The following TULP4 variants were observed in gnomAD, a reference collection of about 807,000 sequenced individuals.
TULP4 encodes the protein TUB like protein 4.
A neutral mutation model predicts 129.0 loss-of-function variants in TULP4; 16 were observed. The ratio of observed to expected loss-of-function variants is 0.12; its 90% CI spans 0.08 to 0.19. TULP4 has a LOEUF of 0.19. Among genes scored for constraint, TULP4 ranks in the 10% least tolerant of loss-of-function variants. The pLI is 1.00. For synonymous variants in TULP4, 998 were observed against 854.0 expected, an observed-to-expected ratio of 1.17 and a Z score of -2.94; for missense variants, 1,842 against 2,059.1, an observed-to-expected ratio of 0.89 and a Z score of 2.04.
chr6:158,429,326 A>G (rs1022328796), intron 2 of TULP4, among the ~76,000 whole-genome samples: 9 of 152,216 alleles, frequency 5.9e-5, no homozygotes, highest in African/African-American at 2.2e-4. Flanking sequence ...TTTAGTAGAG[A>G]TGGGGTTTCA....
chr6:158,406,360 G>T (rs1300761237), intron 1 of TULP4, among the ~76,000 whole-genome samples: 1 of 152,054 alleles, frequency 6.6e-6, no homozygotes, highest in Non-Finnish European at 1.5e-5. Flanking sequence ...TACACCAAGG[G>T]TATTTAGTTG....
chr6:158,279,588 C>G (rs1301117796), upstream of TULP4, among the ~76,000 whole-genome samples: 1 of 152,084 alleles, frequency 6.6e-6, no homozygotes, highest in Non-Finnish European at 1.5e-5. Context: ...AAATTAGTTT[C>G]AAATTACTTC....
chr6:158,256,908 C>A (rs1286983980), intron 1 of TULP4, among the ~76,000 whole-genome samples: 1 of 152,044 alleles, frequency 6.6e-6, no homozygotes, highest in Non-Finnish European at 1.5e-5. Flanking sequence ...ATTGGTGTTT[C>A]AGGTGGCAGC....
chr6:158,395,595 A>AT (rs1423825167), intron 1 of TULP4, among the ~76,000 whole-genome samples: 4 of 143,178 alleles, frequency 2.8e-5, no homozygotes, highest in African/African-American at 1.0e-4. Context: ...AAAAAAAAAA[A>AT]AGGAAGACCT....
chr6:158,279,220 G>A (rs928769497), upstream of TULP4, among the ~76,000 whole-genome samples: 1 of 152,096 alleles, frequency 6.6e-6, no homozygotes, highest in African/African-American at 2.4e-5. Flanking sequence ...GGGATTACAG[G>A]CTTGAGCCAC....
At chr6:158,352,222 TGAGGACCAGG>T (rs1430785987) in intron 1 of TULP4, among the ~76,000 whole-genome samples, 1 of 152,202 alleles carries the variant, frequency 6.6e-6, no homozygotes, top group African/African-American at 2.4e-5. Context: ...GGCAAAATCA[TGAGGACCAGG>T]TTTTTTAAGA....
intron 1 of TULP4, among the ~76,000 whole-genome samples, chr6:158,338,170 GCT>G (rs1311719935): frequency 6.6e-6 from 1 of 152,050 alleles, no homozygotes; most frequent in African/African-American, 2.4e-5. Context: ...CAGGGTCTTT[GCT>G]CTGTCACCTA....
rs1004145980 is a variant in TULP4, at chr6:158,390,692, T to C, written c.253-22373T>C. Among the ~76,000 whole-genome samples the C allele has an allele frequency of 1.6e-3, 251 of 152,324 alleles. 2 individuals carry two copies. Among genetic ancestry groups the C allele is most frequent in the African/African-American group, 5.8e-3 (240 of 41,584 alleles). On this transcript the variant is annotated intron_variant, in intron 1 of 13. Transcript: ENST00000367097. Reference sequence around the variant, plus strand: ...TGTACCAAATAATTGAAGAGTCATATGACGTGAAGGAGAAAAGCACTCTTC... The same window carrying C: ...TGTACCAAATAATTGAAGAGTCATACGACGTGAAGGAGAAAAGCACTCTTC...
intron 1 of TULP4, among the ~76,000 whole-genome samples, chr6:158,329,992 C>G (rs1020338573): frequency 5.3e-5 from 8 of 150,762 alleles, no homozygotes; most frequent in African/African-American, 2.0e-4. Flanking sequence ...TAATATTAAC[C>G]ACATATGTAA....
intron 1 of TULP4, among the ~76,000 whole-genome samples, chr6:158,325,049 A>G (rs1779715786): frequency 6.6e-6 from 1 of 152,242 alleles, no homozygotes; most frequent in Non-Finnish European, 1.5e-5. Flanking sequence ...TGTTTGTGGC[A>G]TGAAAGAAGA....
chr6:158,396,631 T>A (rs759987698), intron 1 of TULP4, among the ~76,000 whole-genome samples: 3 of 152,184 alleles, frequency 2.0e-5, no homozygotes, highest in African/African-American at 4.8e-5. Context: ...ATAAATAATA[T>A]ATATTTTTAA....
At chr6:158,242,336 T>C in intron 1 of TULP4, 3 of 1,533,900 alleles carry the variant, frequency 2.0e-6, no homozygotes, top group Non-Finnish European at 1.8e-6. Flanking sequence ...CTGGAGCCAC[T>C]TTTTCCCAAT....
intron 1 of TULP4, among the ~76,000 whole-genome samples, chr6:158,403,859 G>T (rs953578425): frequency 6.6e-6 from 1 of 152,180 alleles, no homozygotes; most frequent in African/African-American, 2.4e-5. Context: ...ACTTGTGTGC[G>T]TGTGTGGCGT....
chr6:158,394,786 CAAAAAAAAA>C lies in TULP4; in HGVS notation c.253-18259_253-18251del, dbSNP rs71030166. On this transcript the variant is annotated intron_variant, in intron 1 of 13. Transcript: ENST00000367097. ...TGGGCAACTGAGCAAGGCTCTGTCT[CAAAAAAAAA>C]AAAAAAAAAAAAAAAAAAAGGAACT... 2.1e-3 allele frequency among the ~76,000 whole-genome samples: 96 copies of C among 46,018 alleles called. 1 individual carries two copies. The highest frequency in any genetic ancestry group is 7.6e-3 in the African/African-American group (72 of 9,454). The allele number at this position is 46,018 out of a possible 152,430, so 30.2% of individuals were successfully genotyped here. A position where few individuals can be genotyped will look rare whatever the true frequency, so the allele number is the denominator to read the frequency against.
intron 1 of TULP4, among the ~76,000 whole-genome samples, chr6:158,332,183 A>G (rs1583758198): frequency 2.4e-5 from 1 of 41,424 alleles, no homozygotes; most frequent in Non-Finnish European, 4.7e-5. Context: ...AAAAAAAAAA[A>G]AAAAAAAAAA....
chr6:158,439,046 C>A (rs1778820095), intron 3 of TULP4, among the ~76,000 whole-genome samples: 2 of 152,062 alleles, frequency 1.3e-5, no homozygotes, highest in East Asian at 3.9e-4. Context: ...TGGCATGTGC[C>A]TGTAGTCCCA....
At chr6:158,328,495 T>G (rs1779799754) in intron 1 of TULP4, among the ~76,000 whole-genome samples, 1 of 152,062 alleles carries the variant, frequency 6.6e-6, no homozygotes, top group South Asian at 2.1e-4. Flanking sequence ...CCAAAACGAG[T>G]TGTGGCTAAC....
intron 1 of TULP4, among the ~76,000 whole-genome samples, chr6:158,331,634 C>G (rs1583756575): frequency 1.3e-5 from 2 of 149,252 alleles, no homozygotes; most frequent in East Asian, 4.0e-4. Context: ...AACATCTGGC[C>G]TCTAGAGGTG....
intron 1 of TULP4, among the ~76,000 whole-genome samples, chr6:158,250,878 T>G (rs975592438): frequency 6.6e-6 from 1 of 152,242 alleles, no homozygotes; most frequent in Non-Finnish European, 1.5e-5. Flanking sequence ...AGGTGAGTGA[T>G]ACCAGTGATC....
Sources: allele counts gnomAD v4.1 joint callset (sites outside exome capture counted in the v4.1 genomes callset), GRCh38; gene constraint gnomAD v4.1.1; transcripts MANE v1.5; gene names NCBI Gene and HGNC (gene_info 2026-07-23, HGNC 2026-07-21).